Variants in ROBO2 observed in about 807,000 individuals in gnomAD.
ROBO2 encodes the protein roundabout guidance receptor 2.
Under a neutral mutation model 160.8 loss-of-function variants are expected in ROBO2, and 53 were observed. The ratio of observed to expected loss-of-function variants is 0.33; its 90% CI spans 0.26 to 0.41. The LOEUF (loss-of-function observed/expected upper bound fraction) is 0.41. ROBO2 is among the 10% of genes least tolerant of loss of function. ROBO2 has a pLI of 1.00. For synonymous variants in ROBO2, 664 were observed against 611.7 expected (o/e 1.09, Z -1.26); for missense variants, 1,577 against 1,722.4 (o/e 0.92, Z 1.49).
chr3:77,047,398 A>G (rs1183025642), intron 1 of ROBO2, among the ~76,000 whole-genome samples: 1 of 152,160 alleles, frequency 6.6e-6, no homozygotes, highest in East Asian at 1.9e-4. Flanking sequence ...ATATAACGAT[A>G]TATAGGCAGG....
At chr3:77,299,595 C>A (rs531128768) in intron 2 of ROBO2, among the ~76,000 whole-genome samples, 2 of 152,282 alleles carry the variant, frequency 1.3e-5, no homozygotes, top group African/African-American at 2.4e-5. Context: ...CACTCACTAT[C>A]ATGAGAACAG....
rs150826937 is a variant in ROBO2 at position 76,904,135 on chromosome 3, A to G, written c.110-193879A>G. Among the ~76,000 whole-genome samples the G allele has an allele frequency of 4.6e-3, 695 of 152,318 alleles. 4 individuals carry two copies. Among genetic ancestry groups the G allele is most frequent in the African/African-American group, 0.016 (669 of 41,564 alleles). ...ATAATAATTTATATGGAGAAAAAAC[A>G]TGTACTTTTTATGATTCATTTTAAC... On this transcript the variant is annotated intron_variant, in intron 2 of 26. Transcript: ENST00000487694.
chr3:77,598,521 A>ATGTG (rs2094360642), intron 19 of ROBO2, among the ~76,000 whole-genome samples: 4 of 104,124 alleles, frequency 3.8e-5, no homozygotes, highest in African/African-American at 1.4e-4. Context: ...ACATATATAT[A>ATGTG]TATGTGTATA....
chr3:77,618,743 T>A (rs1174962793), intron 22 of ROBO2, among the ~76,000 whole-genome samples: 1 of 152,118 alleles, frequency 6.6e-6, no homozygotes, highest in Non-Finnish European at 1.5e-5. Flanking sequence ...AGGAAGAGTA[T>A]TACTTAAAGA....
chr3:77,119,093 G>A (rs1429102968), intron 2 of ROBO2, among the ~76,000 whole-genome samples: 2 of 152,164 alleles, frequency 1.3e-5, no homozygotes, highest in Admixed American at 6.5e-5. Flanking sequence ...AAAGTGTTTA[G>A]CACTTCCCCC....
intron 2 of ROBO2, among the ~76,000 whole-genome samples, chr3:76,937,876 A>C (rs2077819481): frequency 6.6e-6 from 1 of 152,074 alleles, no homozygotes. Context: ...CGTACCCTCT[A>C]CCTACCCATA....
chr3:76,381,915 T>G (rs982343254), intron 2 of ROBO2, among the ~76,000 whole-genome samples: 2 of 152,206 alleles, frequency 1.3e-5, no homozygotes, highest in African/African-American at 4.8e-5. Flanking sequence ...TGCTAGTCTA[T>G]GTCTCTAATT....
chr3:76,711,722 C>T (rs747125496), intron 2 of ROBO2, among the ~76,000 whole-genome samples: 14 of 152,158 alleles, frequency 9.2e-5, no homozygotes, highest in Non-Finnish European at 1.3e-4. Context: ...TTTCATCATG[C>T]ACCATGCTGC....
At chr3:76,480,072 A>G (rs1453557017) in intron 2 of ROBO2, among the ~76,000 whole-genome samples, 1 of 152,128 alleles carries the variant, frequency 6.6e-6, no homozygotes, top group African/African-American at 2.4e-5. Context: ...AAAAGAGGAA[A>G]AGAGGGGAAA....
At chr3:76,888,532 T>C (rs1032998486) in intron 2 of ROBO2, among the ~76,000 whole-genome samples, 1 of 152,210 alleles carries the variant, frequency 6.6e-6, no homozygotes, top group Non-Finnish European at 1.5e-5. Flanking sequence ...TTAAAATAAA[T>C]ATGAATAGGA....
chr3:77,589,001 C>A (rs1163760598), intron 17 of ROBO2, 68 bp downstream of exon 18: 1 of 1,563,554 alleles, frequency 6.4e-7, no homozygotes, highest in South Asian at 1.1e-5. Flanking sequence ...ATGGAAGGAA[C>A]AGAAAGGAAT....
chr3:76,217,716 G>T (rs149039871), intron 2 of ROBO2, among the ~76,000 whole-genome samples: 11 of 152,128 alleles, frequency 7.2e-5, no homozygotes, highest in Admixed American at 3.9e-4. Context: ...GATATACAGC[G>T]GAATTCTACC....
At chr3:76,607,687 A>G (rs1419253090) in intron 2 of ROBO2, among the ~76,000 whole-genome samples, 2 of 152,188 alleles carry the variant, frequency 1.3e-5, no homozygotes, top group Non-Finnish European at 2.9e-5. Context: ...CATTAGAAAA[A>G]AAATTTTGTG....
At chr3:77,526,340 A>G (rs987426002) in intron 6 of ROBO2, among the ~76,000 whole-genome samples, 1 of 151,540 alleles carries the variant, frequency 6.6e-6, no homozygotes, top group Non-Finnish European at 1.5e-5. Flanking sequence ...CCGAAGAGCC[A>G]TCATCAACAC....
At chr3:76,832,544 C>A (rs974334025) in intron 2 of ROBO2, among the ~76,000 whole-genome samples, 6 of 152,142 alleles carry the variant, frequency 3.9e-5, no homozygotes, top group Non-Finnish European at 7.3e-5. Flanking sequence ...AGAAAGGGAA[C>A]TTTCATTGTT....
At chr3:77,440,408 C>T (rs564862479) in intron 2 of ROBO2, among the ~76,000 whole-genome samples, 13 of 152,108 alleles carry the variant, frequency 8.5e-5, no homozygotes, top group African/African-American at 3.1e-4. Context: ...TATCACATAC[C>T]GGCTTTTTTC....
intron 2 of ROBO2, among the ~76,000 whole-genome samples, chr3:77,130,489 C>T (rs2075758159): frequency 1.3e-5 from 2 of 152,258 alleles, no homozygotes; most frequent in Admixed American, 1.3e-4. Flanking sequence ...TGATGTATAA[C>T]ATAACCACAT....
chr3:77,148,112 T>C (rs2150499303), intron 2 of ROBO2, among the ~76,000 whole-genome samples: 1 of 152,372 alleles, frequency 6.6e-6, no homozygotes, highest in East Asian at 1.9e-4. Flanking sequence ...TGGATAATAA[T>C]AGCTGTAAAC....
At chr3:76,679,121 A>G (rs1024898968) in intron 2 of ROBO2, among the ~76,000 whole-genome samples, 1 of 152,128 alleles carries the variant, frequency 6.6e-6, no homozygotes, top group African/African-American at 2.4e-5. Flanking sequence ...TGTGACTTCA[A>G]AAATTTTGGC....
Sources: allele counts gnomAD v4.1 joint callset (sites outside exome capture counted in the v4.1 genomes callset), GRCh38; gene constraint gnomAD v4.1.1; transcripts MANE v1.5; gene names NCBI Gene and HGNC (gene_info 2026-07-23, HGNC 2026-07-21).